Variants in PTGS1 observed in about 807,000 individuals in gnomAD.
PTGS1 encodes prostaglandin G/H synthase 1.
PTGS1 carries 40 observed loss-of-function variants against 63.0 expected under a neutral mutation model. The observed-to-expected ratio is 0.63, with a 90% CI of 0.49 to 0.83. The LOEUF (loss-of-function observed/expected upper bound fraction) is 0.83. Ranked by LOEUF, PTGS1 falls within the 40% of genes least tolerant of loss-of-function variation. PTGS1 has a pLI of 0.00. For missense variants in PTGS1, 709 were observed against 786.5 expected, an observed-to-expected ratio of 0.90 and a Z score of 1.18; for synonymous variants, 298 against 301.9, an observed-to-expected ratio of 0.99 and a Z score of 0.13.
chr9:122,392,346 A>G lies in PTGS1; in HGVS notation c.1602A>G (p.Leu534=), dbSNP rs1838338645. Residue 534 remains leucine, a synonymous_variant, in exon 11 of 11, where the codon CTA becomes CTG. Transcript: ENST00000362012. ...IGAPFSLKGL[L]GNPICSPEYW... ...CTCCCTTTTCCCTCAAGGGTCTCCT[A>G]GGGAATCCCATCTGTTCTCCGGAGT... 1.2e-6 allele frequency: 2 copies of G among 1,613,998 alleles called. No individual in the cohort carries two copies. Among genetic ancestry groups the G allele is most frequent in the African/African-American group, 2.7e-5 (2 of 74,922 alleles).
At chr9:122,380,626 T>TC (rs1837453610) in intron 5 of PTGS1, among the ~76,000 whole-genome samples, 2 of 152,210 alleles carry the variant, frequency 1.3e-5, no homozygotes, top group Non-Finnish European at 2.9e-5. Context: ...GTGACTGCTT[T>TC]CCCGCTACAA....
At chr9:122,370,829 C>G (rs576028663), upstream of PTGS1, 343 of 610,308 alleles carry the variant, frequency 5.6e-4, 8 homozygotes, top group South Asian at 6.8e-3. Context: ...CTAGTGCCAC[C>G]AGGCATCAGA....
chr9:122,371,378 C>T, intron 2 of PTGS1, 106 bp downstream of exon 2: 6 of 1,539,518 alleles, frequency 3.9e-6, no homozygotes, highest in Non-Finnish European at 5.2e-6. Context: ...CCTTTCTGCT[C>T]GCGGTGCTGA....
In PTGS1 at chr9:122,390,484, T is replaced by A. The variant is rs1272080432; in HGVS notation, c.1444+139T>A. ...ACTTATAATGGGCGTGGAAGTGCTG[T>A]GCCAGGGTGGTAAATAAGCCTGCTT... On this transcript the variant is annotated intron_variant, in intron 10 of 10. Transcript: ENST00000362012. 3.2e-5 allele frequency: 34 copies of A among 1,049,506 alleles called. No homozygotes were observed. The East Asian group carries it at 8.7e-4, about 27-fold the overall frequency. 65.0% of individuals were successfully genotyped at this position (1,049,506 alleles called of 1,614,324 possible). A position where few individuals can be genotyped will look rare whatever the true frequency, so the allele number is the denominator to read the frequency against.
intron 2 of PTGS1, chr9:122,372,718 A>G (rs960491556): frequency 6.6e-6 from 1 of 152,198 alleles, no homozygotes; most frequent in Non-Finnish European, 1.5e-5. Flanking sequence ...ACCCGTCTGT[A>G]TTCTTTTTTA....
In PTGS1 at chr9:122,383,661, ACGTGAGCACAAC is replaced by A; in HGVS notation, c.920_931del (p.Glu307_Arg310del). 1 of 1,614,160 alleles carries A rather than the reference ACGTGAGCACAAC, an allele frequency of 6.2e-7. No individual in the cohort carries two copies. Among genetic ancestry groups the A allele is most frequent in the East Asian group, 2.2e-5 (1 of 44,868 alleles). ...TCATGCTGTATGCCACGCTCTGGCT[ACGTGAGCACAAC>A]CGTGTGTGTGACCTGCTGAAGGCTG... On this transcript the variant is annotated inframe_deletion, in exon 8 of 11. Transcript: ENST00000362012.
chr9:122,391,796 AG>A (rs1217515606), intron 10 of PTGS1, among the ~76,000 whole-genome samples: 3 of 152,104 alleles, frequency 2.0e-5, no homozygotes, highest in Non-Finnish European at 2.9e-5. Flanking sequence ...TAGTAGTAAA[AG>A]GGCTTGGCCC....
intron 2 of PTGS1, among the ~76,000 whole-genome samples, chr9:122,374,017 G>A (rs1232875689): frequency 6.6e-6 from 1 of 152,114 alleles, no homozygotes; most frequent in African/African-American, 2.4e-5. Context: ...CCCTAGTCAC[G>A]CTCAGTCCTG....
In PTGS1 at chr9:122,383,684, A is replaced by G. The variant is rs200721326; in HGVS notation, c.938A>G (p.Asp313Gly). 4 of 1,613,940 alleles carry G rather than the reference A, an allele frequency of 2.5e-6. No homozygotes were observed. In the South Asian group the frequency reaches 4.4e-5, roughly 18 times the overall value. Residue 313 changes from aspartate to glycine, a missense_variant, in exon 8 of 11, where the codon GAC becomes GGC. Asp to Gly is a moderately conservative substitution (Grantham distance 94). Transcript: ENST00000362012. ...LWLREHNRVC[D>G]LLKAEHPTWG... ...CTACGTGAGCACAACCGTGTGTGTGACCTGCTGAAGGCTGAGCACCCCACC... is the reference window on the plus strand; with the variant it reads ...CTACGTGAGCACAACCGTGTGTGTGGCCTGCTGAAGGCTGAGCACCCCACC...
At chr9:122,379,073 A>G (rs549730455) in intron 5 of PTGS1, among the ~76,000 whole-genome samples, 155 bp downstream of exon 5, 39 of 152,226 alleles carry the variant, frequency 2.6e-4, no homozygotes, top group Non-Finnish European at 5.3e-4. Flanking sequence ...GGCTGAGAAC[A>G]GGCAAGGGCA....
In PTGS1 at chr9:122,392,234, T is replaced by C. The variant is rs745438240; in HGVS notation, c.1490T>C (p.Ile497Thr). 4.4e-6 allele frequency: 7 copies of C among 1,605,914 alleles called. No homozygotes were observed. Among genetic ancestry groups the C allele is most frequent in the Admixed American group, 3.3e-5 (2 of 59,806 alleles). Residue 497 changes from isoleucine to threonine, a missense_variant, in exon 11 of 11, where the codon ATT (isoleucine) becomes ACT (threonine). By Grantham distance (89) the Ile-to-Thr change is moderately conservative. Transcript: ENST00000362012. The stretch of plus-strand genomic sequence containing the variant: ...GAGTTGGAGGAATTGTATGGAGACA[T>C]TGATGCGTTGGAGTTCTACCCTGGA... ...AAELEELYGD[I>T]DALEFYPGLL...
Position 122,392,623 on chromosome 9 carries a change from T to A in PTGS1, c.*79T>A. The A allele has an allele frequency of 7.6e-7, 1 of 1,319,658 alleles. No homozygotes were observed. The highest frequency in any genetic ancestry group is 1.0e-6 in the Non-Finnish European group (1 of 957,738). 81.7% of individuals were successfully genotyped at this position (1,319,658 alleles called of 1,614,324 possible). The stretch of plus-strand genomic sequence containing the variant: ...GTGCTGAGGCCAGGGCTGATGGTCT[T>A]AAATGCTCATTTTCTGGTTTGGCAT... On this transcript the variant is annotated 3_prime_UTR_variant, in exon 11 of 11. Transcript: ENST00000362012.
At chr9:122,377,302 C>CT (rs2119131558) in intron 2 of PTGS1, among the ~76,000 whole-genome samples, 1 of 152,294 alleles carries the variant, frequency 6.6e-6, no homozygotes, top group Non-Finnish European at 1.5e-5. Context: ...CTGGCTTTCC[C>CT]TTTTTCTGGC....
At chr9:122,371,406 T>G in intron 2 of PTGS1, 134 bp downstream of exon 2, 1 of 1,444,618 alleles carries the variant, frequency 6.9e-7, no homozygotes, top group East Asian at 2.5e-5. Flanking sequence ...TGAGGCTGAG[T>G]CTTTTGGTGG....
chr9:122,388,132 C>A (rs898482504), intron 9 of PTGS1, among the ~76,000 whole-genome samples: 2 of 152,192 alleles, frequency 1.3e-5, no homozygotes, highest in Non-Finnish European at 2.9e-5. Context: ...TGATGATGTA[C>A]GTGAAAAGCC....
Position 122,392,474 on chromosome 9 carries a change from T to A in PTGS1, c.1730T>A (p.Val577Asp). The A allele has an allele frequency of 6.2e-7, 1 of 1,614,158 alleles. No homozygotes were observed. The highest frequency in any genetic ancestry group is 8.5e-7 in the Non-Finnish European group (1 of 1,180,030). The change falls in exon 11 of 11, where the codon GTT becomes GAT. Residue 577 changes from valine to aspartate, a missense_variant. Coordinates refer to ENST00000362012, the MANE Select transcript of PTGS1 (RefSeq NM_000962.4). ...VCLNTKTCPYVSFRVPDASQD... is the reference protein window; with the variant it reads ...VCLNTKTCPYDSFRVPDASQD... ...CTCAACACCAAGACCTGTCCCTACG[T>A]TTCCTTCCGTGTGCCGGATGCCAGT...
intron 9 of PTGS1, among the ~76,000 whole-genome samples, chr9:122,387,838 G>A (rs1837968589): frequency 6.6e-6 from 1 of 152,204 alleles, no homozygotes; most frequent in Admixed American, 6.5e-5. Context: ...GCTCCCATCT[G>A]CTTCATCGCA....
intron 2 of PTGS1, chr9:122,375,424 C>A: frequency 5.1e-6 from 5 of 985,480 alleles, no homozygotes; most frequent in Non-Finnish European, 4.8e-6. Flanking sequence ...AGATGAGGGA[C>A]TCCTTTTGGT....
At chr9:122,375,837 G>GGAGTTCATTTT (rs1837109874) in intron 2 of PTGS1, among the ~76,000 whole-genome samples, 1 of 152,140 alleles carries the variant, frequency 6.6e-6, no homozygotes, top group Admixed American at 6.5e-5. Flanking sequence ...ACGGACCTCT[G>GGAGTTCATTTT]GAGTTCATTT....
Sources: gnomAD v4.1 joint callset for allele counts (sites outside exome capture counted in the v4.1 genomes callset) on GRCh38, gnomAD v4.1.1 for gene constraint, MANE v1.5 for transcripts, NCBI Gene and HGNC (gene_info 2026-07-23, HGNC 2026-07-21) for gene names.